Variants in CLASP2 observed in about 807,000 individuals in gnomAD.
CLASP2 encodes the protein CLIP-associating protein 2.
Under a neutral mutation model 194.4 loss-of-function variants are expected in CLASP2, and 47 were observed. The ratio of observed to expected loss-of-function variants is 0.24; its 90% CI spans 0.19 to 0.31. The LOEUF (loss-of-function observed/expected upper bound fraction) is 0.31. CLASP2 is among the 10% of genes least tolerant of loss of function. CLASP2 has a pLI of 1.00. For synonymous variants in CLASP2, 619 were observed against 633.5 expected (o/e 0.98, Z 0.34); for missense variants, 1,445 against 1,823.6 (o/e 0.79, Z 3.78).
intron 5 of CLASP2, among the ~76,000 whole-genome samples, chr3:33,685,437 A>C (rs1446393600): frequency 6.6e-6 from 1 of 151,946 alleles, no homozygotes; most frequent in Non-Finnish European, 1.5e-5. Context: ...GATCACGGTT[A>C]ATGTATTTTC....
chr3:33,687,393 T>C (rs1427177183), intron 4 of CLASP2, among the ~76,000 whole-genome samples: 1 of 152,202 alleles, frequency 6.6e-6, no homozygotes, highest in Admixed American at 6.5e-5. Flanking sequence ...TCTAATAGAT[T>C]AAAATGTTCA....
At chr3:33,544,986 G>T in intron 30 of CLASP2, 145 bp from the exon 31 acceptor site, 28 of 492,870 alleles carry the variant, frequency 5.7e-5, no homozygotes, top group South Asian at 4.6e-4. Flanking sequence ...CTTTCAAACT[G>T]TTTTGCTGGA....
In CLASP2 at chr3:33,521,942, C is replaced by T. The variant is rs1329726226; in HGVS notation, c.3788-4768G>A. ...GTGCACATGTTGCTGGAGCAGCTTGCACACAGCTTGTGGGAATCAGGGCAT... is the reference window on the plus strand; with the variant it reads ...GTGCACATGTTGCTGGAGCAGCTTGTACACAGCTTGTGGGAATCAGGGCAT... On this transcript the variant is annotated intron_variant, in intron 34 of 38. Coordinates refer to ENST00000682230, the MANE Select transcript of CLASP2 (RefSeq NM_001365631.1). Among the ~76,000 whole-genome samples, 8 of 152,312 alleles carry T rather than the reference C, an allele frequency of 5.3e-5. No homozygotes were observed. The East Asian group carries it at 1.5e-3, about 29-fold the overall frequency.
chr3:33,545,726 A>T (rs1226257463), intron 30 of CLASP2, among the ~76,000 whole-genome samples: 1 of 152,160 alleles, frequency 6.6e-6, no homozygotes, highest in African/African-American at 2.4e-5. Flanking sequence ...TCTGGCTAAC[A>T]TGATGAATCC....
chr3:33,638,019 T>C (rs1040126094), intron 8 of CLASP2, among the ~76,000 whole-genome samples: 2 of 152,194 alleles, frequency 1.3e-5, no homozygotes, highest in Non-Finnish European at 1.5e-5. Flanking sequence ...ACTGTATCAC[T>C]AATTAAAAGG....
chr3:33,528,587 C>T (rs1202477894), intron 34 of CLASP2, among the ~76,000 whole-genome samples: 3 of 152,026 alleles, frequency 2.0e-5, no homozygotes, highest in African/African-American at 7.3e-5. Context: ...CATGGTGAAA[C>T]CCCATCTCTA....
intron 1 of CLASP2, among the ~76,000 whole-genome samples, chr3:33,715,399 G>GT (rs1197407995): frequency 2.0e-5 from 3 of 151,914 alleles, no homozygotes; most frequent in African/African-American, 7.3e-5. Flanking sequence ...TCCCTTCATT[G>GT]TTTTTTTCTC....
intron 37 of CLASP2, among the ~76,000 whole-genome samples, chr3:33,505,888 T>C (rs2048035061): frequency 6.6e-6 from 1 of 151,802 alleles, no homozygotes; most frequent in South Asian, 2.1e-4. Context: ...ACACTATCTC[T>C]ACAAAAAATT....
chr3:33,537,438 CTGTAACTTTGCAAACACTG>C (rs1350863773), intron 33 of CLASP2, among the ~76,000 whole-genome samples: 12 of 152,202 alleles, frequency 7.9e-5, no homozygotes, highest in Non-Finnish European at 1.5e-4. Context: ...CTACAATGTT[CTGTAACTTTGCAAACACTG>C]AGAAACAATG....
chr3:33,587,165 G>T (rs1340359951), intron 21 of CLASP2, among the ~76,000 whole-genome samples: 1 of 149,952 alleles, frequency 6.7e-6, no homozygotes, highest in Admixed American at 6.7e-5. Context: ...TTGCTCTGTC[G>T]CCCAGGCTGG....
chr3:33,696,664 C>A (rs2091948167), intron 2 of CLASP2, among the ~76,000 whole-genome samples, 191 bp downstream of exon 2: 1 of 151,928 alleles, frequency 6.6e-6, no homozygotes, highest in Non-Finnish European at 1.5e-5. Context: ...CACGGTTTTG[C>A]CATGTTGGCC....
chr3:33,511,028 G>GTTTTT (rs1559793135), intron 36 of CLASP2, among the ~76,000 whole-genome samples: 3 of 141,170 alleles, frequency 2.1e-5, no homozygotes, highest in Admixed American at 7.5e-5. Context: ...GTTGGCTAAA[G>GTTTTT]TATTTTTTTT....
At chr3:33,673,570 AG>A (rs2087844094) in intron 6 of CLASP2, among the ~76,000 whole-genome samples, 2 of 152,084 alleles carry the variant, frequency 1.3e-5, no homozygotes, top group African/African-American at 4.8e-5. Context: ...TCATAATGAC[AG>A]GATCAAATTC....
At chr3:33,527,447 A>G (rs1266775797) in intron 34 of CLASP2, among the ~76,000 whole-genome samples, 1 of 152,202 alleles carries the variant, frequency 6.6e-6, no homozygotes, top group East Asian at 1.9e-4. Flanking sequence ...ACTAATAACA[A>G]GCTCCAAAAT....
chr3:33,559,180 A>G, intron 29 of CLASP2, 127 bp downstream of exon 29: 1 of 732,560 alleles, frequency 1.4e-6, no homozygotes, highest in Non-Finnish European at 2.4e-6. Flanking sequence ...GACTGTCTGA[A>G]AGTTTATAAA....
chr3:33,587,049 T>C (rs1576819765), intron 21 of CLASP2, among the ~76,000 whole-genome samples: 1 of 152,198 alleles, frequency 6.6e-6, no homozygotes, highest in Non-Finnish European at 1.5e-5. Context: ...ATTTTTAGCA[T>C]GTTCTATAGG....
chr3:33,717,479 T>G (rs2093351161), intron 1 of CLASP2, among the ~76,000 whole-genome samples: 1 of 151,926 alleles, frequency 6.6e-6, no homozygotes, highest in Non-Finnish European at 1.5e-5. Flanking sequence ...CAGGCTGGAG[T>G]GCAGTGGCTC....
chr3:33,564,142 T>G (rs1305470158), intron 27 of CLASP2, among the ~76,000 whole-genome samples: 2 of 152,216 alleles, frequency 1.3e-5, no homozygotes, highest in South Asian at 4.1e-4. Flanking sequence ...AAATAAAGAC[T>G]ATATTTTTAT....
intron 1 of CLASP2, among the ~76,000 whole-genome samples, chr3:33,702,799 T>A (rs2092460277): frequency 6.6e-6 from 1 of 151,990 alleles, no homozygotes; most frequent in Non-Finnish European, 1.5e-5. Flanking sequence ...GAATAGAAAG[T>A]CTGGAAATAC....
Sources: allele counts gnomAD v4.1 joint callset (sites outside exome capture counted in the v4.1 genomes callset), GRCh38; gene constraint gnomAD v4.1.1; transcripts MANE v1.5; gene names NCBI Gene and HGNC (gene_info 2026-07-23, HGNC 2026-07-21).